LINGO2: variants seen among roughly 807,000 people sequenced by gnomAD.
The protein encoded by LINGO2 is leucine-rich repeat and immunoglobulin-like domain-containing nogo receptor-interacting protein 2.
Under a neutral mutation model 30.6 loss-of-function variants are expected in LINGO2, and 14 were observed. That is an observed-to-expected ratio of 0.46 (90% confidence interval 0.30 to 0.72). The LOEUF is 0.72. LINGO2 is among the 30% of genes least tolerant of loss of function. The pLI, the probability that LINGO2 is intolerant of heterozygous loss-of-function variation, is 0.07. For missense variants in LINGO2, 729 were observed against 751.7 expected, an observed-to-expected ratio of 0.97 and a Z score of 0.35; for synonymous variants, 317 against 288.5, an observed-to-expected ratio of 1.10 and a Z score of -1.00.
the LINGO2 span, among the ~76,000 whole-genome samples, chr9:29,132,874 T>C: frequency 6.8e-6 from 1 of 146,474 alleles, no homozygotes; most frequent in Non-Finnish European, 1.5e-5. Context: ...TCTAGCAACA[T>C]GTAATCCTTT....
chr9:28,430,257 A>G (rs1392106036), intron 2 of LINGO2, among the ~76,000 whole-genome samples: 1 of 152,162 alleles, frequency 6.6e-6, no homozygotes, highest in East Asian at 1.9e-4. Context: ...TCCTGGTCAA[A>G]GTGCCAGCCA....
At chr9:28,533,980 A>T (rs1371664948) in intron 1 of LINGO2, among the ~76,000 whole-genome samples, 1 of 152,186 alleles carries the variant, frequency 6.6e-6, no homozygotes, top group Non-Finnish European at 1.5e-5. Context: ...ATTGATAAAC[A>T]CATCTAATAG....
chr9:29,174,761 T>C, the LINGO2 span, among the ~76,000 whole-genome samples: 1 of 152,230 alleles, frequency 6.6e-6, no homozygotes, highest in South Asian at 2.1e-4. Flanking sequence ...CACCAGTTTA[T>C]AAATACATGT....
intron 2 of LINGO2, among the ~76,000 whole-genome samples, chr9:28,386,779 A>C (rs926333970): frequency 1.3e-5 from 2 of 152,230 alleles, no homozygotes; most frequent in African/African-American, 4.8e-5. Flanking sequence ...ATGAAGATGA[A>C]TATGTTAAAA....
At chr9:28,233,684 T>A (rs527860221) in intron 4 of LINGO2, among the ~76,000 whole-genome samples, 1 of 152,294 alleles carries the variant, frequency 6.6e-6, no homozygotes, top group East Asian at 1.9e-4. Flanking sequence ...GATTACTTCC[T>A]TCTGTTTAAG....
chr9:29,022,498 C>G, the LINGO2 span, among the ~76,000 whole-genome samples: 1 of 152,164 alleles, frequency 6.6e-6, no homozygotes, highest in Non-Finnish European at 1.5e-5. Context: ...TCTTCCAAAA[C>G]AGGGACTGAA....
chr9:29,204,841 A>C, the LINGO2 span, among the ~76,000 whole-genome samples: 1 of 152,168 alleles, frequency 6.6e-6, no homozygotes, highest in Non-Finnish European at 1.5e-5. Context: ...ACGTTGAGTA[A>C]AAGTGATGAT....
intron 2 of LINGO2, among the ~76,000 whole-genome samples, chr9:28,394,523 G>T (rs1449706474): frequency 6.6e-6 from 1 of 151,928 alleles, no homozygotes; most frequent in South Asian, 2.1e-4. Flanking sequence ...CTTCAGTAAA[G>T]ATAATCTTAC....
At chr9:28,716,532 G>A in the LINGO2 span, among the ~76,000 whole-genome samples, 1 of 152,020 alleles carries the variant, frequency 6.6e-6, no homozygotes, top group Non-Finnish European at 1.5e-5. Context: ...ATAGGATCAC[G>A]TATTTGTCAC....
At chr9:28,887,060 T>C in the LINGO2 span, among the ~76,000 whole-genome samples, 1 of 152,120 alleles carries the variant, frequency 6.6e-6, no homozygotes, top group Non-Finnish European at 1.5e-5. Flanking sequence ...GCCTAATGTA[T>C]GATTTCCAAC....
At chr9:28,210,791 ATAT>A (rs1012561204) in intron 4 of LINGO2, among the ~76,000 whole-genome samples, 1 of 148,400 alleles carries the variant, frequency 6.7e-6, no homozygotes, top group Non-Finnish European at 1.5e-5. Flanking sequence ...ATTTGGAGAA[ATAT>A]TATATTTTTA....
rs567309197 is a variant in LINGO2 at position 28,482,424 on chromosome 9, T to G, written c.-364-6399A>C. On this transcript the variant is annotated intron_variant, in intron 1 of 5. Coordinates refer to ENST00000379992, the Ensembl canonical transcript of LINGO2. Reference sequence around the variant, plus strand: ...TTTTCTGGCTGCATAAATGTCTTCTTCTGAGAAGTGTCTGTTCATGTCCTT... The same window carrying G: ...TTTTCTGGCTGCATAAATGTCTTCTGCTGAGAAGTGTCTGTTCATGTCCTT... 5.3e-5 allele frequency among the ~76,000 whole-genome samples: 8 copies of G among 152,280 alleles called. No homozygotes were observed. The East Asian group carries it at 1.5e-3, about 29-fold the overall frequency.
chr9:29,079,880 AAT>A, the LINGO2 span, among the ~76,000 whole-genome samples: 8 of 152,182 alleles, frequency 5.3e-5, no homozygotes, highest in African/African-American at 1.4e-4. Flanking sequence ...TAATAAGAAA[AAT>A]AGTTTATTAT....
At chr9:28,559,920 C>G (rs1456124140) in intron 1 of LINGO2, among the ~76,000 whole-genome samples, 2 of 151,886 alleles carry the variant, frequency 1.3e-5, no homozygotes, top group African/African-American at 4.8e-5. Context: ...CTTAAAAATA[C>G]TATAAAATCA....
the LINGO2 span, among the ~76,000 whole-genome samples, chr9:28,907,873 A>C: frequency 6.6e-6 from 1 of 151,598 alleles, no homozygotes; most frequent in South Asian, 2.1e-4. Context: ...TTCTAAATTA[A>C]AGTGGCCTTA....
At chr9:28,815,646 G>GAAAGAT in the LINGO2 span, among the ~76,000 whole-genome samples, 91 of 152,174 alleles carry the variant, frequency 6.0e-4, no homozygotes, top group African/African-American at 2.1e-3. Flanking sequence ...ATTACCACCA[G>GAAAGAT]CACTAGTACC....
the LINGO2 span, among the ~76,000 whole-genome samples, chr9:29,154,404 C>G: frequency 1.4e-5 from 2 of 147,784 alleles, no homozygotes; most frequent in African/African-American, 5.0e-5. Context: ...GGGCGGAGAT[C>G]GCGCCACTGC....
intron 1 of LINGO2, among the ~76,000 whole-genome samples, chr9:28,638,753 C>A (rs947033177): frequency 1.3e-5 from 2 of 151,800 alleles, no homozygotes; most frequent in African/African-American, 2.4e-5. Flanking sequence ...AATTTTGTTG[C>A]TCTTTTCAAA....
Position 28,542,864 on chromosome 9 carries a change from A to G in LINGO2, c.-364-66839T>C, listed in dbSNP as rs184305203. On this transcript the variant is annotated intron_variant, in intron 1 of 5. Transcript: ENST00000379992. ...CCACACTTGGAGAACAACATGCCTA[A>G]AGCTTCAGTAAACTCTGTTACATGC... 2.9e-3 allele frequency among the ~76,000 whole-genome samples: 435 copies of G among 152,122 alleles called. 6 individuals carry two copies. Among genetic ancestry groups the G allele is most frequent in the African/African-American group, 9.9e-3 (413 of 41,562 alleles).
Sources: allele counts gnomAD v4.1 joint callset (sites outside exome capture counted in the v4.1 genomes callset), GRCh38; gene constraint gnomAD v4.1.1; transcripts MANE v1.5; gene names NCBI Gene and HGNC (gene_info 2026-07-23, HGNC 2026-07-21).